The following SGPL1 variants were observed in gnomAD, a reference collection of about 807,000 sequenced individuals.
SGPL1 encodes the protein sphingosine-1-phosphate lyase 1, also known as SP-lyase 1.
SGPL1 carries 37 observed loss-of-function variants against 68.9 expected under a neutral mutation model. That is an observed-to-expected ratio of 0.54 (90% CI 0.41 to 0.71). The LOEUF (loss-of-function observed/expected upper bound fraction) is 0.71. Ranked by LOEUF, SGPL1 falls within the 30% of genes least tolerant of loss-of-function variation. SGPL1 has a pLI of 0.00. For missense variants in SGPL1, 551 were observed against 704.6 expected (o/e 0.78, Z 2.47); for synonymous variants, 236 against 248.5 (o/e 0.95, Z 0.47).
chr10:70,863,500 T>C (rs1440101209), intron 7 of SGPL1, among the ~76,000 whole-genome samples: 1 of 152,114 alleles, frequency 6.6e-6, no homozygotes, highest in African/African-American at 2.4e-5. Context: ...TTTATTTATT[T>C]TTTTATGAGC....
chr10:70,856,676 G>T (rs1258134854), intron 5 of SGPL1, among the ~76,000 whole-genome samples: 1 of 152,214 alleles, frequency 6.6e-6, no homozygotes, highest in Admixed American at 6.5e-5. Context: ...GAATGAGTTT[G>T]TCTGTATATT....
chr10:70,832,225 A>G (rs1845552758), intron 2 of SGPL1, among the ~76,000 whole-genome samples: 1 of 152,194 alleles, frequency 6.6e-6, no homozygotes, highest in Non-Finnish European at 1.5e-5. Context: ...TCGAAGATGC[A>G]CTTTCCAAAG....
chr10:70,846,663 T>G (rs1445312009), intron 3 of SGPL1, among the ~76,000 whole-genome samples: 1 of 152,228 alleles, frequency 6.6e-6, no homozygotes, highest in African/African-American at 2.4e-5. Flanking sequence ...GTACTACAAT[T>G]CAAAGGTGGT....
At chr10:70,857,081 C>A (rs1303546643) in intron 5 of SGPL1, 1 of 154,772 alleles carries the variant, frequency 6.5e-6, no homozygotes, top group Non-Finnish European at 1.4e-5. Flanking sequence ...GCGTCTGAGA[C>A]CGGGGTGCTC....
chr10:70,871,920 C>G lies in SGPL1; in HGVS notation c.993C>G (p.Tyr331Ter), dbSNP rs757042460. ...TCGTCTTTATGGAGAAAGCAGGATA[C>G]CCACTGGAGCACCCATTTGATTTCC... ...FLIVFMEKAG[Y>*]PLEHPFDFRV... is the part of the protein sequence containing the mutation. Residue 331 changes from tyrosine (Y) to a stop codon, truncating the protein, a stop_gained, in exon 11 of 15, where the codon TAC (tyrosine) becomes TAG (stop). Transcript: ENST00000373202. LOFTEE classifies it high-confidence loss of function. 1.6e-5 allele frequency: 26 copies of G among 1,614,074 alleles called. No individual in the cohort carries two copies. Among genetic ancestry groups the G allele is most frequent in the African/African-American group, 2.7e-5 (2 of 75,008 alleles).
chr10:70,846,218 C>T (rs1036750625), intron 3 of SGPL1, among the ~76,000 whole-genome samples: 2 of 152,180 alleles, frequency 1.3e-5, no homozygotes, highest in African/African-American at 4.8e-5. Context: ...GACTGGCCGG[C>T]CCTTCCGCTG....
At chr10:70,855,964 A>AT (rs34321631) in intron 5 of SGPL1, among the ~76,000 whole-genome samples, 150,256 of 152,270 alleles carry the variant, frequency 0.99, 74,169 homozygotes, top group Middle Eastern at 1. Context: ...CTAGGAGCCA[A>AT]CCAGGAGCCA....
At chr10:70,862,685 G>C (rs566048512) in intron 7 of SGPL1, among the ~76,000 whole-genome samples, 3 of 151,926 alleles carry the variant, frequency 2.0e-5, no homozygotes, top group African/African-American at 7.2e-5. Context: ...AACTCCGGAC[G>C]CGCTGCCTTA....
rs191844233 is a variant in SGPL1, at chr10:70,845,407, T to G, written c.193+769T>G. On this transcript the variant is annotated intron_variant, in intron 3 of 14. Transcript: ENST00000373202. Reference sequence around the variant, plus strand: ...TGTGCCAGGCACTGCCATCAGGCTGTGGGGATATCTGCACAAGTAGTACAG... The same window carrying G: ...TGTGCCAGGCACTGCCATCAGGCTGGGGGGATATCTGCACAAGTAGTACAG... 3.3e-4 allele frequency among the ~76,000 whole-genome samples: 50 copies of G among 152,286 alleles called. No individual in the cohort carries two copies. In the East Asian group the frequency reaches 7.9e-3, roughly 24 times the overall value.
intron 7 of SGPL1, among the ~76,000 whole-genome samples, chr10:70,862,690 G>A (rs1038869797): frequency 6.6e-6 from 1 of 151,848 alleles, no homozygotes; most frequent in Non-Finnish European, 1.5e-5. Context: ...CGGACGCGCT[G>A]CCTTAAGAGC....
chr10:70,863,230 G>A (rs990769762), intron 7 of SGPL1, among the ~76,000 whole-genome samples: 1 of 150,322 alleles, frequency 6.7e-6, no homozygotes, highest in Non-Finnish European at 1.5e-5. Flanking sequence ...GAAGTGATCT[G>A]CCTGCCTTGG....
chr10:70,816,173 G>C (rs1028463209), intron 1 of SGPL1, 47 bp downstream of exon 1: 1 of 151,550 alleles, frequency 6.6e-6, no homozygotes, highest in African/African-American at 2.4e-5. Context: ...GGTCGGGACG[G>C]AGGCGCCGCG....
rs1846447810 is a variant in SGPL1, at chr10:70,878,927, A to G, written c.*1592A>G. The G allele has an allele frequency of 6.5e-6, 1 of 152,762 alleles. No individual in the cohort carries two copies. Among genetic ancestry groups the G allele is most frequent in the African/African-American group, 2.4e-5 (1 of 41,448 alleles). 9.5% of individuals were successfully genotyped at this position (152,762 alleles called of 1,614,324 possible). The stretch of plus-strand genomic sequence containing the variant: ...AATCCCTTCCCAAGACTAGCTGCTC[A>G]GGGTGGTGCAGGGACAGGACCAGAC... On this transcript the variant is annotated 3_prime_UTR_variant, in exon 15 of 15. Coordinates refer to ENST00000373202, the MANE Select transcript of SGPL1 (RefSeq NM_003901.4).
At chr10:70,875,816 C>G (rs1846374560) in intron 13 of SGPL1, among the ~76,000 whole-genome samples, 1 of 152,220 alleles carries the variant, frequency 6.6e-6, no homozygotes, top group African/African-American at 2.4e-5. Flanking sequence ...AGCCTTTCTA[C>G]TCTCCAATCC....
rs138727594 is a variant in SGPL1 at position 70,862,614 on chromosome 10, G to A, written c.615+3115G>A. ...TTTTATGAGCTGTGACACTCACCAC[G>A]AAGGTCTGCAGCTTCACTCCTGAAG... On this transcript the variant is annotated intron_variant, in intron 7 of 14. Transcript: ENST00000373202. Among the ~76,000 whole-genome samples the A allele has an allele frequency of 9.4e-3, 1,425 of 152,150 alleles. 34 individuals are homozygous for A. Among genetic ancestry groups the A allele is most frequent in the African/African-American group, 0.031 (1,282 of 41,516 alleles).
In SGPL1 at chr10:70,869,830, C is replaced by T; in HGVS notation, c.743C>T (p.Ala248Val). The stretch of plus-strand genomic sequence containing the variant: ...AGTGCCCATGCTGCATTTAACAAAG[C>T]AGCCAGTTACTTTGGGATGAAGATT... ...PQSAHAAFNK[A>V]ASYFGMKIVR... The change falls in exon 9 of 15, where the codon GCA (alanine) becomes GTA (valine). Residue 248 changes from alanine (A) to valine (V), a missense_variant. Transcript: ENST00000373202. 1 of 1,614,096 alleles carries T rather than the reference C, an allele frequency of 6.2e-7. No individual in the cohort carries two copies. Among genetic ancestry groups the T allele is most frequent in the Non-Finnish European group, 8.5e-7 (1 of 1,180,004 alleles).
chr10:70,861,813 T>G (rs1392762972), intron 7 of SGPL1, among the ~76,000 whole-genome samples: 1 of 152,018 alleles, frequency 6.6e-6, no homozygotes, highest in Non-Finnish European at 1.5e-5. Flanking sequence ...GGGTTCTAGG[T>G]CCCCCAGTAG....
At chr10:70,819,255 GTGT>G (rs1439402593) in intron 2 of SGPL1, among the ~76,000 whole-genome samples, 1 of 152,226 alleles carries the variant, frequency 6.6e-6, no homozygotes, top group African/African-American at 2.4e-5. Flanking sequence ...ATGTTTAGGA[GTGT>G]TGCTTTGCTT....
At chr10:70,874,920 CAAAT>C (rs757596803) in intron 12 of SGPL1, among the ~76,000 whole-genome samples, 230 of 152,092 alleles carry the variant, frequency 1.5e-3, no homozygotes, top group Non-Finnish European at 2.6e-3. Flanking sequence ...AATAAGCAAA[CAAAT>C]AAATAAAAAT....
Sources: allele counts gnomAD v4.1 joint callset (sites outside exome capture counted in the v4.1 genomes callset), GRCh38; gene constraint gnomAD v4.1.1; transcripts MANE v1.5; gene names NCBI Gene and HGNC (gene_info 2026-07-23, HGNC 2026-07-21).